Variants in EPG5 observed in about 807,000 individuals in gnomAD.
The protein encoded by EPG5 is ectopic P granules protein 5 homolog.
A neutral mutation model predicts 302.7 loss-of-function variants in EPG5; 159 were observed. That is an observed-to-expected ratio of 0.53 (90% CI 0.46 to 0.60). The LOEUF (loss-of-function observed/expected upper bound fraction) is 0.60. EPG5 is among the 20% of genes least tolerant of loss of function. The probability of loss-of-function intolerance (pLI) is 0.00; values close to 1 mark genes in which losing one functional copy is unlikely to be tolerated. For synonymous variants in EPG5, 1,158 were observed against 1,136.8 expected (o/e 1.02, Z -0.37); for missense variants, 2,896 against 3,092.4 (o/e 0.94, Z 1.51).
At chr18:45,808,123 A>C in the EPG5 span, among the ~76,000 whole-genome samples, 1 of 152,194 alleles carries the variant, frequency 6.6e-6, no homozygotes, top group Non-Finnish European at 1.5e-5. Flanking sequence ...CAAGTAGAAG[A>C]AAGAAATTCA....
chr18:45,967,270 T>G lies in EPG5; in HGVS notation c.-31A>C. 6.4e-7 allele frequency: 1 copy of G among 1,563,116 alleles called. No homozygotes were observed. Among genetic ancestry groups the G allele is most frequent in the South Asian group, 1.2e-5 (1 of 84,960 alleles). On this transcript the variant is annotated 5_prime_UTR_variant, in exon 1 of 44. Transcript: ENST00000282041. ...CTTCCGCGGCGCCGTCACCGTTTGT[T>G]TTTGTCAAACCCCTGCGCTTCAAGC...
intron 4 of EPG5, among the ~76,000 whole-genome samples, chr18:45,950,871 T>A (rs546385038): frequency 6.6e-6 from 1 of 152,346 alleles, no homozygotes; most frequent in Non-Finnish European, 1.5e-5. Context: ...AAAGCTGAAG[T>A]CCAGAGTTCA....
At position 45,916,183 on chromosome 18, in the gene EPG5, C is replaced by G. The variant is rs762900577; in HGVS notation, c.3408G>C (p.Gln1136His). ...MIQAHISVST[Q>H]PNEVGPVAVL... ...CAGCAACGGGGCCCACTTCATTGGG[C>G]TGAGTGCTTACAGATATGTGTGCCT... Residue 1136 changes from glutamine (Q) to histidine (H), a missense_variant, in exon 19 of 44, where the codon CAG becomes CAC. This residue lies in a region of EPG5 where 1,390 missense variants were observed against 1,430.0 expected (regional missense o/e 0.97). Coordinates refer to ENST00000282041, the MANE Select transcript of EPG5 (RefSeq NM_020964.3). 6.2e-7 allele frequency: 1 copy of G among 1,613,504 alleles called. No individual in the cohort carries two copies. The highest frequency in any genetic ancestry group is 1.7e-5 in the Admixed American group (1 of 59,932).
At chr18:45,953,219 A>G in intron 2 of EPG5, 1 of 882,578 alleles carries the variant, frequency 1.1e-6, no homozygotes, top group Non-Finnish European at 1.4e-6. Flanking sequence ...AAATAATAGA[A>G]CTTGTCCCTA....
At position 45,954,581 on chromosome 18, in the gene EPG5, G is replaced by A; in HGVS notation, c.821C>T (p.Ser274Leu). The A allele has an allele frequency of 1.2e-6, 2 of 1,614,220 alleles. No homozygotes were observed. Among genetic ancestry groups the A allele is most frequent in the Non-Finnish European group, 1.7e-6 (2 of 1,180,042 alleles). Reference protein sequence around the residue: ...EPGSWLENVESYLEEFDSMAH... With the variant: ...EPGSWLENVELYLEEFDSMAH... ...CATGCTGTCAAATTCTTCTAAATAT[G>A]ACTCAACATTTTCCAGCCATGAACC... The change falls in exon 2 of 44, where the codon TCA becomes TTA. Residue 274 changes from serine (S) to leucine (L), a missense_variant. Physicochemically the swap from Ser to Leu is moderately radical, Grantham distance 145. Coordinates refer to ENST00000282041, the MANE Select transcript of EPG5 (RefSeq NM_020964.3).
At chr18:45,889,767 T>C in intron 28 of EPG5, 31 bp downstream of exon 28, 1 of 1,586,620 alleles carries the variant, frequency 6.3e-7, no homozygotes. Context: ...AACAAAACAG[T>C]ATTTCAAATT....
chr18:45,914,303 G>A (rs1006965870), intron 20 of EPG5, among the ~76,000 whole-genome samples: 5 of 152,194 alleles, frequency 3.3e-5, no homozygotes, highest in South Asian at 2.1e-4. Flanking sequence ...AAGAGAATCC[G>A]CTAGGCAGAG....
chr18:45,962,197 C>A (rs897442075), intron 1 of EPG5, among the ~76,000 whole-genome samples: 6 of 152,152 alleles, frequency 3.9e-5, no homozygotes, highest in African/African-American at 1.4e-4. Context: ...TATGCAGCAT[C>A]CCCCAACTTC....
chr18:45,834,367 G>A, the EPG5 span, among the ~76,000 whole-genome samples: 1 of 152,234 alleles, frequency 6.6e-6, no homozygotes, highest in Non-Finnish European at 1.5e-5. Context: ...GAGCTTCTGA[G>A]TGTCTGGACA....
At chr18:45,930,952 AAT>A in intron 11 of EPG5, 122 bp from the exon 12 acceptor site, 1 of 964,270 alleles carries the variant, frequency 1.0e-6, no homozygotes. Context: ...TTTGTTCCAA[AAT>A]AGATTTCTAC....
Position 45,860,247 on chromosome 18 carries a change from C to T in EPG5, c.6866G>A (p.Arg2289Gln), listed in dbSNP as rs1429331925. The change falls in exon 40 of 44, where the codon CGG becomes CAG. Residue 2289 changes from arginine to glutamine, a missense_variant. Physicochemically the swap from Arg to Gln is conservative, Grantham distance 43. Around this residue, in one of 5 missense-constraint regions of EPG5, gnomAD observed 620 missense variants for 704.2 expected, o/e 0.88. Coordinates refer to ENST00000282041, the MANE Select transcript of EPG5 (RefSeq NM_020964.3). ...NATIPTAEFL[R>Q]GSIRTWIGQK... ...GCCAATCCAGGTCCGGATACTGCCC[C>T]GAAGGAACTCTGCTGTTGGAATAGT... is the stretch of plus-strand genomic sequence containing the variant. The T allele has an allele frequency of 5.6e-6, 9 of 1,614,098 alleles. No individual in the cohort carries two copies. The highest frequency in any genetic ancestry group is 1.7e-5 in the Admixed American group (1 of 60,010).
At chr18:45,810,516 C>T in the EPG5 span, among the ~76,000 whole-genome samples, 1 of 152,144 alleles carries the variant, frequency 6.6e-6, no homozygotes. Flanking sequence ...ATAATCCGGC[C>T]GGGCTCAGTA....
rs146201819 is a variant in EPG5 at position 45,950,184 on chromosome 18, C to T, written c.1390-593G>A. 5.2e-3 allele frequency among the ~76,000 whole-genome samples: 797 copies of T among 152,254 alleles called. 6 individuals are homozygous for T. Among genetic ancestry groups the T allele is most frequent in the African/African-American group, 0.018 (742 of 41,544 alleles). Reference sequence around the variant, plus strand: ...GATACTTTATCTAAAATGCACAAGACCAGAAGTATTTCAGACTTCAGATTT... The same window carrying T: ...GATACTTTATCTAAAATGCACAAGATCAGAAGTATTTCAGACTTCAGATTT... On this transcript the variant is annotated intron_variant, in intron 4 of 43. Transcript: ENST00000282041.
intron 6 of EPG5, among the ~76,000 whole-genome samples, chr18:45,947,401 G>C (rs1015602926): frequency 4.6e-5 from 7 of 151,900 alleles, no homozygotes; most frequent in Admixed American, 2.0e-4. Flanking sequence ...GAAAGAGAGA[G>C]ACTCCCTCTC....
chr18:45,837,463 G>A, the EPG5 span: 6 of 1,424,608 alleles, frequency 4.2e-6, no homozygotes, highest in African/African-American at 3.0e-5. Flanking sequence ...CCGGGTGCGG[G>A]CGCCTCGACC....
At chr18:45,902,381 A>C (rs1487110451) in intron 25 of EPG5, among the ~76,000 whole-genome samples, 1 of 152,214 alleles carries the variant, frequency 6.6e-6, no homozygotes, top group Non-Finnish European at 1.5e-5. Context: ...ATTTATGTTA[A>C]AGTTCCTTTC....
chr18:45,889,751 C>T (rs1568125886), intron 28 of EPG5, 47 bp downstream of exon 28: 1 of 1,554,866 alleles, frequency 6.4e-7, no homozygotes. Flanking sequence ...GATTACTATT[C>T]ATGATAACAA....
the EPG5 span, among the ~76,000 whole-genome samples, chr18:45,819,650 A>T: frequency 1.3e-5 from 2 of 152,232 alleles, no homozygotes. Context: ...GATGCACATT[A>T]ATTAATAGAA....
At chr18:45,873,862 C>G (rs2048918796) in intron 35 of EPG5, among the ~76,000 whole-genome samples, 1 of 152,148 alleles carries the variant, frequency 6.6e-6, no homozygotes, top group Non-Finnish European at 1.5e-5. Context: ...ATGAAATGAG[C>G]TATCCAGCCA....
Sources: allele counts gnomAD v4.1 joint callset (sites outside exome capture counted in the v4.1 genomes callset), GRCh38; gene constraint gnomAD v4.1.1; regional missense constraint gnomAD v4.1.1; transcripts MANE v1.5; gene names NCBI Gene and HGNC (gene_info 2026-07-23, HGNC 2026-07-21).